ANO3: variants seen among roughly 807,000 people sequenced by gnomAD.
ANO3 encodes the protein anoctamin-3.
ANO3 carries 99 observed loss-of-function variants against 144.8 expected under a neutral mutation model. That is an observed-to-expected ratio of 0.68 (90% CI 0.58 to 0.81). The LOEUF is 0.81. Ranked by LOEUF, ANO3 falls within the 30% of genes least tolerant of loss-of-function variation. The pLI, the probability that ANO3 is intolerant of heterozygous loss-of-function variation, is 0.00. For missense variants in ANO3, 905 were observed against 1,202.2 expected (o/e 0.75, Z 3.66); for synonymous variants, 414 against 392.6 (o/e 1.05, Z -0.64).
At chr11:26,208,132 T>C (rs1326758101) in intron 1 of ANO3, 1 of 152,192 alleles carries the variant, frequency 6.6e-6, no homozygotes, top group Admixed American at 6.5e-5. Context: ...AGTCTATTCG[T>C]GAGATCTCTG....
chr11:26,530,010 A>G (rs1331968029), intron 7 of ANO3, among the ~76,000 whole-genome samples: 2 of 152,294 alleles, frequency 1.3e-5, no homozygotes, highest in African/African-American at 4.8e-5. Flanking sequence ...GCAGCTATGT[A>G]GAAATGTGGA....
intron 1 of ANO3, among the ~76,000 whole-genome samples, chr11:26,440,603 C>G (rs753524117): frequency 6.6e-5 from 10 of 152,040 alleles, no homozygotes; most frequent in Non-Finnish European, 1.5e-4. Context: ...ATAAGGATAT[C>G]TACTCCACCT....
intron 1 of ANO3, among the ~76,000 whole-genome samples, chr11:26,371,540 G>A (rs1273488160): frequency 1.3e-5 from 2 of 152,180 alleles, no homozygotes; most frequent in African/African-American, 4.8e-5. Flanking sequence ...TCCACCAACA[G>A]CTTGCACCAT....
intron 1 of ANO3, among the ~76,000 whole-genome samples, chr11:26,226,064 C>T (rs1453931519): frequency 6.6e-6 from 1 of 151,984 alleles, no homozygotes; most frequent in Non-Finnish European, 1.5e-5. Context: ...CCCTACAAGC[C>T]TCTCGTATTC....
chr11:26,445,474 T>C (rs1419883053), intron 3 of ANO3, among the ~76,000 whole-genome samples: 1 of 152,206 alleles, frequency 6.6e-6, no homozygotes, highest in African/African-American at 2.4e-5. Flanking sequence ...CTTAACATAA[T>C]TGGATGCTCG....
chr11:26,613,398 AT>A (rs773768798), intron 17 of ANO3, among the ~76,000 whole-genome samples: 25 of 151,662 alleles, frequency 1.6e-4, no homozygotes, highest in Non-Finnish European at 3.1e-4. Flanking sequence ...TATTTTTCGG[AT>A]TTCATTGAAT....
chr11:26,451,079 T>G (rs150796412), intron 3 of ANO3, among the ~76,000 whole-genome samples: 1 of 152,262 alleles, frequency 6.6e-6, no homozygotes, highest in African/African-American at 2.4e-5. Context: ...AATTGATGAT[T>G]AGAAAACAGA....
At chr11:26,262,210 A>T (rs1008521462) in intron 1 of ANO3, among the ~76,000 whole-genome samples, 7 of 152,192 alleles carry the variant, frequency 4.6e-5, no homozygotes, top group African/African-American at 1.7e-4. Flanking sequence ...TTTCAAGCTT[A>T]TACTTCTGTG....
chr11:26,458,902 A>G (rs1001659059), intron 3 of ANO3, among the ~76,000 whole-genome samples: 1 of 152,150 alleles, frequency 6.6e-6, no homozygotes, highest in Non-Finnish European at 1.5e-5. Context: ...TGTGTGTTTT[A>G]TCATTTGATG....
intron 1 of ANO3, among the ~76,000 whole-genome samples, chr11:26,296,402 A>C (rs935566520): frequency 2.6e-5 from 4 of 152,192 alleles, no homozygotes; most frequent in African/African-American, 9.6e-5. Context: ...GGGATTATGA[A>C]TAAAGCAGCA....
At chr11:26,313,580 G>T (rs1047310577) in intron 1 of ANO3, among the ~76,000 whole-genome samples, 3 of 151,992 alleles carry the variant, frequency 2.0e-5, no homozygotes, top group Non-Finnish European at 4.4e-5. Flanking sequence ...CCTGCTACTT[G>T]GGAGGCGGAG....
intron 17 of ANO3, among the ~76,000 whole-genome samples, chr11:26,608,814 C>T (rs1316604336): frequency 3.3e-5 from 5 of 152,128 alleles, no homozygotes; most frequent in African/African-American, 2.4e-5. Context: ...ACGGGAAAAG[C>T]ACAGCCTGGA....
intron 1 of ANO3, among the ~76,000 whole-genome samples, chr11:26,317,338 G>A (rs1219298681): frequency 2.0e-5 from 3 of 151,326 alleles, no homozygotes; most frequent in Non-Finnish European, 4.4e-5. Context: ...TACAGAATGG[G>A]AGAAAATTTT....
intron 1 of ANO3, among the ~76,000 whole-genome samples, chr11:26,264,669 GATCATGGTA>G (rs1464640118): frequency 6.6e-6 from 1 of 152,132 alleles, no homozygotes; most frequent in Non-Finnish European, 1.5e-5. Context: ...AGAAGTTCAA[GATCATGGTA>G]ACCTCAGGGT....
At position 26,627,854 on chromosome 11, in the gene ANO3, T is replaced by TGTGTGTGC. The variant is rs1262119961; in HGVS notation, c.1873+3357_1873+3358insTGTGTGCG. Among the ~76,000 whole-genome samples, 64 of 139,676 alleles carry TGTGTGTGC rather than the reference T, an allele frequency of 4.6e-4. No homozygotes were observed. In the East Asian group the frequency reaches 5.7e-3, roughly 12 times the overall value. 91.6% of individuals were successfully genotyped at this position (139,676 alleles called of 152,430 possible). On this transcript the variant is annotated intron_variant, in intron 18 of 26. Transcript: ENST00000256737. ...GTGTGTGTGTGTGTGTGTGTGTGTG[T>TGTGTGTGC]GCGCCTGACATTATGTTCTGTTTAA...
rs116823777 is a variant in ANO3 at position 26,225,991 on chromosome 11, T to C, written c.154+36661T>C. On this transcript the variant is annotated intron_variant, in intron 1 of 27. Coordinates refer to the ANO3 transcript ENST00000672621. ...ACAGAAGAATGACAGATCTAACTTATGTGCTCACCTGTTAAGTACCCCAAG... is the reference window on the plus strand; with the variant it reads ...ACAGAAGAATGACAGATCTAACTTACGTGCTCACCTGTTAAGTACCCCAAG... Among the ~76,000 whole-genome samples the C allele has an allele frequency of 3.7e-3, 571 of 152,288 alleles. 1 individual carries two copies. Among genetic ancestry groups the C allele is most frequent in the African/African-American group, 0.013 (544 of 41,584 alleles).
intron 4 of ANO3, among the ~76,000 whole-genome samples, chr11:26,487,078 A>G (rs1289148841): frequency 1.3e-5 from 2 of 152,212 alleles, no homozygotes; most frequent in African/African-American, 4.8e-5. Flanking sequence ...AATCAGTCAC[A>G]ACAGTCTTTT....
At chr11:26,321,088 C>G (rs1196103973) in intron 1 of ANO3, among the ~76,000 whole-genome samples, 1 of 152,026 alleles carries the variant, frequency 6.6e-6, no homozygotes, top group Non-Finnish European at 1.5e-5. Context: ...GGACAATGTA[C>G]TGTTTTCTCA....
chr11:26,592,430 G>A (rs1565128316), intron 14 of ANO3, among the ~76,000 whole-genome samples: 1 of 151,770 alleles, frequency 6.6e-6, no homozygotes, highest in Non-Finnish European at 1.5e-5. Flanking sequence ...TAAGCCTTGG[G>A]GAAGTATGAA....
Sources: allele counts gnomAD v4.1 joint callset (sites outside exome capture counted in the v4.1 genomes callset), GRCh38; gene constraint gnomAD v4.1.1; transcripts MANE v1.5; gene names NCBI Gene and HGNC (gene_info 2026-07-23, HGNC 2026-07-21).